SMARCC1: variants seen among roughly 807,000 people sequenced by gnomAD.
SMARCC1 encodes the protein SWI/SNF complex subunit SMARCC1.
In SMARCC1, 43 loss-of-function variants were observed where a neutral mutation model predicts 147.4. The ratio of observed to expected loss-of-function variants is 0.29; its 90% CI spans 0.23 to 0.38. The LOEUF is 0.38. SMARCC1 is among the 10% of genes least tolerant of loss of function. SMARCC1 has a pLI of 1.00. For synonymous variants in SMARCC1, 495 were observed against 484.4 expected (o/e 1.02, Z -0.29); for missense variants, 1,119 against 1,381.1 (o/e 0.81, Z 3.01).
intron 11 of SMARCC1, among the ~76,000 whole-genome samples, chr3:47,694,878 AGTC>A (rs2033829420): frequency 2.0e-5 from 3 of 152,230 alleles, no homozygotes; most frequent in African/African-American, 7.2e-5. Context: ...TATGTAATTT[AGTC>A]TAAGGGGTTC....
At chr3:47,682,306 A>C (rs907467813) in intron 14 of SMARCC1, among the ~76,000 whole-genome samples, 2 of 151,834 alleles carry the variant, frequency 1.3e-5, no homozygotes, top group African/African-American at 4.8e-5. Flanking sequence ...AAAAAAAAAA[A>C]AAAACAAACA....
intron 24 of SMARCC1, among the ~76,000 whole-genome samples, chr3:47,627,385 G>A (rs930362597): frequency 6.6e-6 from 1 of 152,044 alleles, no homozygotes; most frequent in African/African-American, 2.4e-5. Flanking sequence ...CCAGGCCATG[G>A]AAAAATTCTT....
At chr3:47,691,264 A>C (rs1486907156) in intron 12 of SMARCC1, among the ~76,000 whole-genome samples, 1 of 152,198 alleles carries the variant, frequency 6.6e-6, no homozygotes, top group Non-Finnish European at 1.5e-5. Context: ...CTGAAGAATG[A>C]AAGAAAGACC....
At position 47,711,661 on chromosome 3, in the gene SMARCC1, C is replaced by T. The variant is rs556354119; in HGVS notation, c.793-853G>A. Among the ~76,000 whole-genome samples the T allele has an allele frequency of 6.6e-5, 10 of 152,260 alleles. No homozygotes were observed. In the South Asian group the frequency reaches 2.1e-3, roughly 32 times the overall value. On this transcript the variant is annotated intron_variant, in intron 8 of 27. Transcript: ENST00000254480. ...ATGACTAGAAAACAATATGAACTTC[C>T]TAGTAATTTGTCAATCTAAACTCCC... is the stretch of plus-strand genomic sequence containing the variant.
intron 9 of SMARCC1, among the ~76,000 whole-genome samples, chr3:47,707,702 T>C (rs1277289882): frequency 6.6e-6 from 1 of 151,998 alleles, no homozygotes; most frequent in African/African-American, 2.4e-5. Context: ...AGTAAGACCT[T>C]GTCTCTACAA....
intron 14 of SMARCC1, among the ~76,000 whole-genome samples, chr3:47,685,006 A>G (rs181819340): frequency 3.9e-5 from 6 of 152,234 alleles, no homozygotes; most frequent in Non-Finnish European, 1.5e-5. Flanking sequence ...CATAGATCTT[A>G]GCAAGCTCAG....
intron 16 of SMARCC1, among the ~76,000 whole-genome samples, chr3:47,677,440 A>G (rs2033588474): frequency 6.7e-6 from 1 of 148,862 alleles, no homozygotes; most frequent in Non-Finnish European, 1.5e-5. Context: ...GCTAGGGCGC[A>G]GAGCTTATCC....
chr3:47,686,013 C>A, intron 14 of SMARCC1, 36 bp downstream of exon 14: 1 of 1,603,426 alleles, frequency 6.2e-7, no homozygotes, highest in South Asian at 1.1e-5. Flanking sequence ...TTGTACTGCT[C>A]AGTACCATGC....
intron 26 of SMARCC1, among the ~76,000 whole-genome samples, chr3:47,594,090 G>A (rs1201257808): frequency 3.3e-5 from 5 of 151,858 alleles, no homozygotes; most frequent in Middle Eastern, 3.2e-3. Flanking sequence ...GCTTGAACCC[G>A]GGAGGTGGAG....
intron 24 of SMARCC1, among the ~76,000 whole-genome samples, chr3:47,624,869 G>A (rs2032785936): frequency 7.3e-6 from 1 of 136,420 alleles, no homozygotes; most frequent in Non-Finnish European, 1.5e-5. Context: ...GGCCAACATA[G>A]TAAAACCCTG....
chr3:47,610,748 A>G, intron 25 of SMARCC1: 1 of 204,554 alleles, frequency 4.9e-6, no homozygotes, highest in East Asian at 1.1e-4. Context: ...TTTCAAGTTC[A>G]CCCAACCTTC....
At chr3:47,622,993 G>A (rs2106686011) in intron 24 of SMARCC1, among the ~76,000 whole-genome samples, 1 of 152,228 alleles carries the variant, frequency 6.6e-6, no homozygotes, top group South Asian at 2.1e-4. Flanking sequence ...ATCTGCTTAA[G>A]ACCCTAACTA....
chr3:47,675,642 T>C (rs1310823211), intron 17 of SMARCC1, 54 bp from the exon 18 acceptor site: 3 of 981,540 alleles, frequency 3.1e-6, no homozygotes, highest in Non-Finnish European at 1.6e-6. Context: ...GTCAAGAGGG[T>C]AAATGTTTTT....
intron 24 of SMARCC1, among the ~76,000 whole-genome samples, chr3:47,628,800 C>T (rs1162769360): frequency 2.0e-5 from 3 of 152,040 alleles, no homozygotes; most frequent in Non-Finnish European, 4.4e-5. Flanking sequence ...TCCTGACCTC[C>T]CTCAAATGAT....
At position 47,586,988 on chromosome 3, in the gene SMARCC1, C is replaced by T. The variant is rs2032080656; in HGVS notation, c.*1221G>A. 2.0e-5 allele frequency: 3 copies of T among 152,580 alleles called. No homozygotes were observed. Among genetic ancestry groups the T allele is most frequent in the African/African-American group, 7.2e-5 (3 of 41,426 alleles). The allele number at this position is 152,580 out of a possible 1,614,324, so 9.5% of individuals were successfully genotyped here. On this transcript the variant is annotated 3_prime_UTR_variant, in exon 28 of 28. Coordinates refer to ENST00000254480, the MANE Select transcript of SMARCC1 (RefSeq NM_003074.4). The stretch of plus-strand genomic sequence containing the variant: ...TGATGCTCTGACTGCCAAGTGAGTT[C>T]CTTGTTACCCTCAGCATCTCTTTGA...
intron 6 of SMARCC1, among the ~76,000 whole-genome samples, chr3:47,728,540 T>A (rs762109575): frequency 2.6e-5 from 4 of 152,174 alleles, no homozygotes; most frequent in Non-Finnish European, 5.9e-5. Flanking sequence ...GGACCACTGA[T>A]TTCTAACCTT....
At chr3:47,592,615 G>A (rs1178181863) in intron 26 of SMARCC1, among the ~76,000 whole-genome samples, 2 of 152,132 alleles carry the variant, frequency 1.3e-5, no homozygotes, top group East Asian at 3.8e-4. Context: ...GTTTTGTTGA[G>A]ACAGAGTCTC....
chr3:47,760,317 T>C (rs1399215191), intron 2 of SMARCC1, among the ~76,000 whole-genome samples: 5 of 149,596 alleles, frequency 3.3e-5, no homozygotes, highest in African/African-American at 7.4e-5. Flanking sequence ...CTCAAAAAAA[T>C]TAAAAAAAAG....
At chr3:47,594,565 C>G (rs1403581056) in intron 26 of SMARCC1, among the ~76,000 whole-genome samples, 1 of 151,892 alleles carries the variant, frequency 6.6e-6, no homozygotes, top group Non-Finnish European at 1.5e-5. Flanking sequence ...TAAAGGCATA[C>G]GAGGGATGAG....
Sources: gnomAD v4.1 joint callset for allele counts (sites outside exome capture counted in the v4.1 genomes callset) on GRCh38, gnomAD v4.1.1 for gene constraint, MANE v1.5 for transcripts, NCBI Gene and HGNC (gene_info 2026-07-23, HGNC 2026-07-21) for gene names.